The following DLG2 variants were observed in gnomAD, a reference collection of about 807,000 sequenced individuals.
DLG2 encodes the protein discs large MAGUK scaffold protein 2.
In DLG2, 45 loss-of-function variants were observed where a neutral mutation model predicts 132.5. That is an observed-to-expected ratio of 0.34 (90% CI 0.27 to 0.44). The LOEUF (loss-of-function observed/expected upper bound fraction) is 0.44, where lower values mean the gene tolerates loss of function less well. Ranked by LOEUF, DLG2 falls within the 20% of genes least tolerant of loss-of-function variation. DLG2 has a pLI of 1.00. For missense variants in DLG2, 1,045 were observed against 1,196.9 expected (o/e 0.87, Z 1.87); for synonymous variants, 424 against 419.6 (o/e 1.01, Z -0.13).
At chr11:84,518,818 C>A (rs2099282653) in intron 7 of DLG2, among the ~76,000 whole-genome samples, 1 of 152,150 alleles carries the variant, frequency 6.6e-6, no homozygotes, top group East Asian at 1.9e-4. Context: ...AGAACCATCA[C>A]TCAGTAGCTC....
At chr11:85,260,863 G>A (rs915611686) in intron 4 of DLG2, among the ~76,000 whole-genome samples, 2 of 152,204 alleles carry the variant, frequency 1.3e-5, no homozygotes, top group Non-Finnish European at 2.9e-5. Context: ...GAGATGGGAT[G>A]TAGCAATCTC....
At chr11:84,207,789 T>C (rs1597429914) in intron 8 of DLG2, among the ~76,000 whole-genome samples, 2 of 152,226 alleles carry the variant, frequency 1.3e-5, no homozygotes, top group South Asian at 4.1e-4. Flanking sequence ...AACAACATGA[T>C]AAAAATGTAA....
At chr11:84,493,350 G>A (rs1267395272) in intron 7 of DLG2, among the ~76,000 whole-genome samples, 1 of 152,082 alleles carries the variant, frequency 6.6e-6, no homozygotes, top group African/African-American at 2.4e-5. Flanking sequence ...ATCAGTCTCT[G>A]CTTATCTAAA....
At chr11:85,067,458 T>C (rs1277889992) in intron 6 of DLG2, among the ~76,000 whole-genome samples, 1 of 151,872 alleles carries the variant, frequency 6.6e-6, no homozygotes, top group Admixed American at 6.6e-5. Context: ...TTTAGATCTT[T>C]CCTGCTTTCT....
intron 7 of DLG2, chr11:84,272,327 T>G (rs1356887749): frequency 2.4e-6 from 1 of 421,624 alleles, no homozygotes; most frequent in South Asian, 1.7e-5. Flanking sequence ...ATCTCTTGAG[T>G]TTCTATGTCA....
chr11:83,817,626 G>T (rs1488557339), intron 17 of DLG2, among the ~76,000 whole-genome samples: 1 of 152,280 alleles, frequency 6.6e-6, no homozygotes, highest in East Asian at 1.9e-4. Flanking sequence ...TGTGATCCCA[G>T]TGCTTTGAGA....
At chr11:83,669,176 C>T (rs2076392642) in intron 18 of DLG2, among the ~76,000 whole-genome samples, 1 of 151,920 alleles carries the variant, frequency 6.6e-6, no homozygotes, top group Non-Finnish European at 1.5e-5. Flanking sequence ...GTGGGTAAAA[C>T]AGTCCTGGTC....
intron 7 of DLG2, among the ~76,000 whole-genome samples, chr11:84,434,202 T>C (rs2154474516): frequency 6.6e-6 from 1 of 152,256 alleles, no homozygotes; most frequent in African/African-American, 2.4e-5. Context: ...ATGTAAAATC[T>C]TTAACAACAT....
intron 6 of DLG2, among the ~76,000 whole-genome samples, chr11:85,071,753 C>T (rs1411160603): frequency 1.3e-5 from 2 of 151,734 alleles, no homozygotes; most frequent in African/African-American, 4.8e-5. Flanking sequence ...GGTCTAATTT[C>T]AAGAGCAATT....
intron 4 of DLG2, among the ~76,000 whole-genome samples, chr11:85,165,545 G>A (rs1159841550): frequency 6.6e-6 from 1 of 152,168 alleles, no homozygotes; most frequent in African/African-American, 2.4e-5. Context: ...ACTTTGAAAT[G>A]ACCAGTCTGC....
intron 7 of DLG2, among the ~76,000 whole-genome samples, chr11:84,481,546 A>G (rs2099137735): frequency 6.6e-6 from 1 of 152,190 alleles, no homozygotes; most frequent in Non-Finnish European, 1.5e-5. Context: ...TATCACACAT[A>G]TAATTACCCA....
intron 9 of DLG2, among the ~76,000 whole-genome samples, chr11:84,157,111 T>C (rs2095443491): frequency 6.6e-6 from 1 of 152,162 alleles, no homozygotes; most frequent in Non-Finnish European, 1.5e-5. Flanking sequence ...AGATATTTGA[T>C]AGAATTTCAG....
intron 4 of DLG2, among the ~76,000 whole-genome samples, chr11:85,256,496 A>T (rs2076671185): frequency 6.6e-6 from 1 of 152,166 alleles, no homozygotes; most frequent in African/African-American, 2.4e-5. Context: ...GCTGGTTAAC[A>T]CTTAAGCCAC....
chr11:85,485,841 T>G lies in DLG2; in HGVS notation c.40+112816A>C, dbSNP rs139130176. On this transcript the variant is annotated intron_variant, in intron 3 of 27. Coordinates refer to ENST00000376104, the MANE Select transcript of DLG2 (RefSeq NM_001142699.3). ...TGAGCCCTGAGCAGCTGCTTCTTGG[T>G]GCCATCCTGAGAACTTTGCTGCTTA... 3.8e-3 allele frequency among the ~76,000 whole-genome samples: 576 copies of G among 152,264 alleles called. 1 individual carries two copies. Among genetic ancestry groups the G allele is most frequent in the Middle Eastern group, 0.02 (6 of 294 alleles).
At chr11:84,845,200 A>G (rs745936998) in intron 6 of DLG2, among the ~76,000 whole-genome samples, 23 of 152,118 alleles carry the variant, frequency 1.5e-4, no homozygotes, top group Non-Finnish European at 2.9e-4. Flanking sequence ...AGACAACTAA[A>G]TTTGAAATTT....
At chr11:84,008,543 A>C (rs189984468) in intron 11 of DLG2, among the ~76,000 whole-genome samples, 87 of 152,072 alleles carry the variant, frequency 5.7e-4, no homozygotes, top group African/African-American at 1.8e-3. Context: ...CCCTTTCCAA[A>C]AGATCATCAA....
At chr11:85,013,602 T>A (rs769561898) in intron 6 of DLG2, among the ~76,000 whole-genome samples, 8 of 152,160 alleles carry the variant, frequency 5.3e-5, no homozygotes, top group Non-Finnish European at 1.0e-4. Context: ...GCAATTGTTC[T>A]AAATAATAAA....
chr11:84,766,899 T>C (rs890031892), intron 6 of DLG2, among the ~76,000 whole-genome samples: 5 of 152,090 alleles, frequency 3.3e-5, no homozygotes, highest in African/African-American at 9.7e-5. Flanking sequence ...TGGCTTACTT[T>C]TGGGGACACT....
intron 19 of DLG2, among the ~76,000 whole-genome samples, chr11:83,542,598 A>T (rs11233664): frequency 4.6e-5 from 7 of 152,172 alleles, no homozygotes; most frequent in South Asian, 4.1e-4. Flanking sequence ...TTTCTGTATC[A>T]TGCTGCCCCC....
Sources: allele counts gnomAD v4.1 joint callset (sites outside exome capture counted in the v4.1 genomes callset), GRCh38; gene constraint gnomAD v4.1.1; transcripts MANE v1.5; gene names NCBI Gene and HGNC (gene_info 2026-07-23, HGNC 2026-07-21).